The following CCNY variants were observed in gnomAD, a reference collection of about 807,000 sequenced individuals.
CCNY encodes the protein cyclin Y, also known as cyclin-Y.
In CCNY, 19 loss-of-function variants were observed where a neutral mutation model predicts 42.8. The observed-to-expected ratio is 0.44, with a 90% confidence interval of 0.31 to 0.65. CCNY has a LOEUF of 0.65. Ranked by LOEUF, CCNY falls within the 30% of genes least tolerant of loss-of-function variation. The pLI is 0.07. For synonymous variants in CCNY, 165 were observed against 162.7 expected (o/e 1.01, Z -0.11); for missense variants, 370 against 437.3 (o/e 0.85, Z 1.37).
At chr10:35,486,248 G>A (rs1317370979) in intron 2 of CCNY, among the ~76,000 whole-genome samples, 1 of 152,210 alleles carries the variant, frequency 6.6e-6, no homozygotes, top group Non-Finnish European at 1.5e-5. Flanking sequence ...TCCAGGTTCA[G>A]TGACATCATA....
intron 1 of CCNY, among the ~76,000 whole-genome samples, chr10:35,446,879 A>G (rs1236894017): frequency 6.6e-6 from 1 of 152,218 alleles, no homozygotes. Flanking sequence ...ATGTCGAGAT[A>G]AGTTCTAGAT....
intron 1 of CCNY, among the ~76,000 whole-genome samples, chr10:35,392,107 T>G (rs1363492967): frequency 6.6e-6 from 1 of 152,254 alleles, no homozygotes; most frequent in Admixed American, 6.5e-5. Context: ...TTAGAAGATA[T>G]GTAACTACAA....
At chr10:35,511,476 G>A (rs1231225644) in intron 3 of CCNY, among the ~76,000 whole-genome samples, 2 of 152,218 alleles carry the variant, frequency 1.3e-5, no homozygotes. Flanking sequence ...TGGAGTCAGG[G>A]AGGGGAAAAG....
At chr10:35,423,581 G>C (rs555959793) in intron 1 of CCNY, among the ~76,000 whole-genome samples, 1 of 151,474 alleles carries the variant, frequency 6.6e-6, no homozygotes, top group South Asian at 2.1e-4. Context: ...TTGGTACACT[G>C]TACATTTTAT....
At chr10:35,495,456 A>G (rs1376026168) in intron 2 of CCNY, among the ~76,000 whole-genome samples, 1 of 152,134 alleles carries the variant, frequency 6.6e-6, no homozygotes. Flanking sequence ...TCCTTCGTCT[A>G]CTTCCTATTC....
intron 1 of CCNY, among the ~76,000 whole-genome samples, chr10:35,338,151 G>A (rs1293330077): frequency 2.0e-5 from 3 of 152,074 alleles, no homozygotes; most frequent in East Asian, 3.8e-4. Flanking sequence ...AGTTAATCTG[G>A]TTGAACTAAT....
chr10:35,548,643 G>A (rs1202444994), intron 7 of CCNY, among the ~76,000 whole-genome samples: 1 of 151,610 alleles, frequency 6.6e-6, no homozygotes, highest in Non-Finnish European at 1.5e-5. Context: ...TCATCATAAA[G>A]GTTGTCATCC....
chr10:35,456,371 G>C (rs1839035463), intron 1 of CCNY, among the ~76,000 whole-genome samples: 1 of 152,192 alleles, frequency 6.6e-6, no homozygotes, highest in African/African-American at 2.4e-5. Context: ...CCTTATTATT[G>C]ATTCAGCTGT....
chr10:35,253,874 GTTTT>G (rs34396120), intron 3 of CCNY, among the ~76,000 whole-genome samples: 43,603 of 128,652 alleles, frequency 0.34, 5,511 homozygotes, highest in African/African-American at 0.43. Flanking sequence ...TTGAGCAACT[GTTTT>G]TTTTTTTTTT....
At chr10:35,374,206 A>G (rs1473698940) in intron 1 of CCNY, among the ~76,000 whole-genome samples, 1 of 152,220 alleles carries the variant, frequency 6.6e-6, no homozygotes, top group Non-Finnish European at 1.5e-5. Context: ...TTAGTGCAGC[A>G]GTTGTGTGAA....
At chr10:35,440,179 G>A (rs1021644803) in intron 1 of CCNY, among the ~76,000 whole-genome samples, 2 of 152,180 alleles carry the variant, frequency 1.3e-5, no homozygotes, top group Non-Finnish European at 2.9e-5. Context: ...TGCTAGACAG[G>A]CTCCTTTCTG....
intron 1 of CCNY, among the ~76,000 whole-genome samples, chr10:35,429,104 A>AGTC (rs1838330588): frequency 6.6e-6 from 1 of 152,248 alleles, no homozygotes; most frequent in South Asian, 2.1e-4. Context: ...AGGTCCTAGC[A>AGTC]GTCTAACCAG....
intron 3 of CCNY, among the ~76,000 whole-genome samples, chr10:35,290,415 TA>T (rs60240989): frequency 0.056 from 8,192 of 145,622 alleles, 296 homozygotes; most frequent in African/African-American, 0.11. Flanking sequence ...GACTCTGTCT[TA>T]AAAAAAAAAA....
intron 1 of CCNY, among the ~76,000 whole-genome samples, chr10:35,445,961 G>T (rs1035790218): frequency 6.6e-6 from 1 of 151,952 alleles, no homozygotes; most frequent in Non-Finnish European, 1.5e-5. Context: ...TAAATATTTC[G>T]TGGTCTTTAG....
chr10:35,488,803 G>T (rs1839838489), intron 2 of CCNY, among the ~76,000 whole-genome samples: 1 of 152,080 alleles, frequency 6.6e-6, no homozygotes, highest in Admixed American at 6.6e-5. Flanking sequence ...AGAGTGATTT[G>T]ATACCCACCT....
chr10:35,295,633 A>G (rs1426421122), intron 3 of CCNY, among the ~76,000 whole-genome samples: 1 of 152,116 alleles, frequency 6.6e-6, no homozygotes, highest in African/African-American at 2.4e-5. Flanking sequence ...GTCTTTATGA[A>G]TATTCATAAA....
intron 2 of CCNY, among the ~76,000 whole-genome samples, chr10:35,498,973 A>T (rs1185869015): frequency 6.6e-6 from 1 of 152,184 alleles, no homozygotes; most frequent in Non-Finnish European, 1.5e-5. Flanking sequence ...GTTCTGTAAT[A>T]GTCTTAGTGA....
At chr10:35,393,089 C>G (rs780437066) in intron 1 of CCNY, among the ~76,000 whole-genome samples, 11 of 152,104 alleles carry the variant, frequency 7.2e-5, no homozygotes, top group Admixed American at 1.3e-4. Flanking sequence ...CCCCAGCTGC[C>G]CTGTGTTTTC....
intron 3 of CCNY, among the ~76,000 whole-genome samples, chr10:35,271,855 T>C (rs866394390): frequency 6.6e-6 from 1 of 152,224 alleles, no homozygotes. Flanking sequence ...CTTTCTGTTG[T>C]ACTTGAGGTA....
Sources: allele counts gnomAD v4.1 joint callset (sites outside exome capture counted in the v4.1 genomes callset), GRCh38; gene constraint gnomAD v4.1.1; transcripts MANE v1.5; gene names NCBI Gene and HGNC (gene_info 2026-07-23, HGNC 2026-07-21).